ADAMTSL1: variants seen among roughly 807,000 people sequenced by gnomAD.
ADAMTSL1 encodes the protein ADAMTS-like protein 1.
A neutral mutation model predicts 201.8 loss-of-function variants in ADAMTSL1; 126 were observed. The observed-to-expected ratio is 0.62, with a 90% CI of 0.54 to 0.72. ADAMTSL1 has a LOEUF of 0.72. Among genes scored for constraint, ADAMTSL1 ranks in the 30% least tolerant of loss-of-function variants. The pLI, the probability that ADAMTSL1 is intolerant of heterozygous loss-of-function variation, is 0.00. For synonymous variants in ADAMTSL1, 1,121 were observed against 903.4 expected, an observed-to-expected ratio of 1.24 and a Z score of -4.32; for missense variants, 2,679 against 2,277.8, an observed-to-expected ratio of 1.18 and a Z score of -3.59.
rs116212581 is a variant in ADAMTSL1, at chr9:18,032,469, C to T, written c.87+125547C>T. ...CAGTGGAGGCTGAGCTGTGTACACC[C>T]TCCTGCGGGAGCAGCCAGGTAGGCA... On this transcript the variant is annotated intron_variant, in intron 1 of 29. Coordinates refer to the ADAMTSL1 transcript ENST00000680146. 3.2e-3 allele frequency among the ~76,000 whole-genome samples: 494 copies of T among 152,300 alleles called. 3 individuals carry two copies. The highest frequency in any genetic ancestry group is 0.011 in the African/African-American group (458 of 41,578).
At chr9:18,326,915 A>T (rs1197688042) in intron 2 of ADAMTSL1, among the ~76,000 whole-genome samples, 2 of 152,238 alleles carry the variant, frequency 1.3e-5, no homozygotes, top group African/African-American at 2.4e-5. Flanking sequence ...ATGCTAAGTC[A>T]ACCTTGAACA....
At chr9:18,303,789 T>C (rs1445720117) in intron 2 of ADAMTSL1, among the ~76,000 whole-genome samples, 1 of 152,092 alleles carries the variant, frequency 6.6e-6, no homozygotes, top group Non-Finnish European at 1.5e-5. Context: ...GATTTAGCAG[T>C]GATATTTTTC....
At chr9:18,860,349 G>T (rs28622015) in intron 23 of ADAMTSL1, among the ~76,000 whole-genome samples, 49,311 of 152,006 alleles carry the variant, frequency 0.32, 9,458 homozygotes, top group Non-Finnish European at 0.43. Flanking sequence ...GGCAAGTCTA[G>T]ACCACCACCC....
rs943524090 is a variant in ADAMTSL1, at chr9:18,512,146, T to C, written c.191+7190T>C. On this transcript the variant is annotated intron_variant, in intron 2 of 28. Transcript: ENST00000380548. ...ATTTTGGAACATATGCTTAAGAGTT[T>C]GCAGTTGCCTTCCTTTTACTTTTTG... Among the ~76,000 whole-genome samples the C allele has an allele frequency of 4.9e-4, 74 of 152,320 alleles. 1 individual carries two copies. The highest frequency in any genetic ancestry group is 1.7e-3 in the African/African-American group (72 of 41,580).
chr9:18,212,113 C>G (rs1587322023), intron 2 of ADAMTSL1, among the ~76,000 whole-genome samples: 1 of 152,180 alleles, frequency 6.6e-6, no homozygotes, highest in Admixed American at 6.5e-5. Flanking sequence ...GGAACCAAAT[C>G]TGGACAAGGT....
intron 4 of ADAMTSL1, among the ~76,000 whole-genome samples, chr9:18,588,868 C>CATATATATACATATACATATATATAT (rs59154428): frequency 0.13 from 14,392 of 112,610 alleles, 1,285 homozygotes; most frequent in African/African-American, 0.19. Flanking sequence ...AGCTTTGTGC[C>CATATATATACATATACATATATATAT]ATATATATAC....
chr9:18,108,137 A>G (rs1824842644), intron 1 of ADAMTSL1, among the ~76,000 whole-genome samples: 1 of 152,040 alleles, frequency 6.6e-6, no homozygotes, highest in South Asian at 2.1e-4. Flanking sequence ...CAAGAATCTT[A>G]AAATTGAAAG....
chr9:18,416,160 C>A (rs1273193178), intron 2 of ADAMTSL1, among the ~76,000 whole-genome samples: 1 of 152,000 alleles, frequency 6.6e-6, no homozygotes, highest in Non-Finnish European at 1.5e-5. Context: ...AAAATACTTT[C>A]TCTCATTATT....
At chr9:18,875,851 T>C (rs1173473233) in intron 23 of ADAMTSL1, among the ~76,000 whole-genome samples, 1 of 152,180 alleles carries the variant, frequency 6.6e-6, no homozygotes. Context: ...ATTATTGAAG[T>C]CTCCACAATT....
chr9:18,801,565 T>C (rs562301586), intron 20 of ADAMTSL1, among the ~76,000 whole-genome samples: 3 of 152,316 alleles, frequency 2.0e-5, no homozygotes, highest in African/African-American at 7.2e-5. Flanking sequence ...GGGTCTGTTG[T>C]TCCCCCTTCT....
At chr9:18,617,611 A>G (rs1002255201) in intron 4 of ADAMTSL1, among the ~76,000 whole-genome samples, 33 of 152,266 alleles carry the variant, frequency 2.2e-4, no homozygotes, top group African/African-American at 7.9e-4. Context: ...ACTCAAAAAT[A>G]AGACAAGTGG....
At chr9:18,821,097 G>GT (rs1824182620) in intron 21 of ADAMTSL1, among the ~76,000 whole-genome samples, 1 of 152,170 alleles carries the variant, frequency 6.6e-6, no homozygotes, top group Admixed American at 6.5e-5. Context: ...AGCAAAGGAA[G>GT]TATTTGAAGG....
At chr9:17,926,834 A>C (rs1215717425) in intron 1 of ADAMTSL1, among the ~76,000 whole-genome samples, 1 of 152,220 alleles carries the variant, frequency 6.6e-6, no homozygotes, top group African/African-American at 2.4e-5. Context: ...ATTCTCCGAC[A>C]TTACAGTGAA....
chr9:18,060,109 A>G (rs1822383825), intron 1 of ADAMTSL1, among the ~76,000 whole-genome samples: 2 of 152,092 alleles, frequency 1.3e-5, no homozygotes, highest in Admixed American at 1.3e-4. Flanking sequence ...GAGTTGGTTT[A>G]TTCTTGTGCT....
intron 19 of ADAMTSL1, among the ~76,000 whole-genome samples, chr9:18,784,852 A>T (rs1821607496): frequency 6.6e-6 from 1 of 152,184 alleles, no homozygotes. Context: ...TAACTCGCTC[A>T]AAGTCTCTCA....
At chr9:18,689,168 G>T (rs1303675803) in intron 13 of ADAMTSL1, among the ~76,000 whole-genome samples, 1 of 152,040 alleles carries the variant, frequency 6.6e-6, no homozygotes, top group Non-Finnish European at 1.5e-5. Context: ...TTGTTAATCA[G>T]GTGGAAGCTA....
intron 4 of ADAMTSL1, among the ~76,000 whole-genome samples, chr9:18,608,719 C>T (rs1470368472): frequency 6.6e-6 from 1 of 152,172 alleles, no homozygotes; most frequent in Non-Finnish European, 1.5e-5. Context: ...GCTCACCTTT[C>T]ATCTGGCTCT....
intron 2 of ADAMTSL1, among the ~76,000 whole-genome samples, chr9:18,277,913 G>T (rs531143440): frequency 3.0e-4 from 45 of 151,868 alleles, no homozygotes; most frequent in Admixed American, 9.8e-4. Context: ...GATTTTTTTT[G>T]TAGTGGAATG....
At chr9:18,231,141 C>T (rs554345246) in intron 2 of ADAMTSL1, among the ~76,000 whole-genome samples, 11 of 152,268 alleles carry the variant, frequency 7.2e-5, no homozygotes, top group African/African-American at 2.6e-4. Context: ...ACTTCTGCTC[C>T]TTCAGGGTAA....
Sources: gnomAD v4.1 joint callset for allele counts (sites outside exome capture counted in the v4.1 genomes callset) on GRCh38, gnomAD v4.1.1 for gene constraint, MANE v1.5 for transcripts, NCBI Gene and HGNC (gene_info 2026-07-23, HGNC 2026-07-21) for gene names.